Variants in PLCE1 observed in about 807,000 individuals in gnomAD.
The protein encoded by PLCE1 is 1-phosphatidylinositol 4,5-bisphosphate phosphodiesterase epsilon-1.
PLCE1 carries 119 observed loss-of-function variants against 242.8 expected under a neutral mutation model. The observed-to-expected ratio is 0.49, with a 90% CI of 0.42 to 0.57. PLCE1 has a LOEUF of 0.57. Among genes scored for constraint, PLCE1 ranks in the 20% least tolerant of loss-of-function variants. The pLI is 0.00. For missense variants in PLCE1, 2,441 were observed against 2,788.8 expected (o/e 0.88, Z 2.81); for synonymous variants, 945 against 1,017.4 (o/e 0.93, Z 1.35).
chr10:94,190,341 G>A (rs995802163), intron 4 of PLCE1, among the ~76,000 whole-genome samples: 2 of 152,126 alleles, frequency 1.3e-5, no homozygotes, highest in African/African-American at 4.8e-5. Context: ...GGGCACTGTG[G>A]CTCATGCCTG....
At chr10:94,249,009 A>G (rs1338403118) in intron 8 of PLCE1, among the ~76,000 whole-genome samples, 2 of 152,154 alleles carry the variant, frequency 1.3e-5, no homozygotes, top group African/African-American at 4.8e-5. Flanking sequence ...AGTGACTTAG[A>G]GAAGACTCAG....
At chr10:94,130,238 A>T (rs1461868719) in intron 2 of PLCE1, among the ~76,000 whole-genome samples, 1 of 152,208 alleles carries the variant, frequency 6.6e-6, no homozygotes, top group East Asian at 1.9e-4. Flanking sequence ...CAGTACACCC[A>T]AATAGGGTTA....
At chr10:94,182,670 T>C (rs1453549946) in intron 4 of PLCE1, among the ~76,000 whole-genome samples, 1 of 152,188 alleles carries the variant, frequency 6.6e-6, no homozygotes, top group African/African-American at 2.4e-5. Context: ...TACTACAAAA[T>C]GGAGGATGTG....
rs557139713 is a variant in PLCE1 at position 94,306,925 on chromosome 10, C to T, written c.5884+237C>T. 5.6e-4 allele frequency among the ~76,000 whole-genome samples: 86 copies of T among 152,330 alleles called. No individual in the cohort carries two copies. Among genetic ancestry groups the T allele is most frequent in the Non-Finnish European group, 1.1e-3 (74 of 68,026 alleles). On this transcript the variant is annotated intron_variant, in intron 26 of 32. Transcript: ENST00000371380. This position sits in a 1 kb window ranked among gnomAD's most constrained non-coding sequence, Gnocchi z 5.7. ...ATCCCTTGTAAAGTACAGCCTCACC[C>T]ATGCTTGCTGATGTCAGGAGCAGTG...
At chr10:94,064,058 A>C (rs1243735001) in intron 2 of PLCE1, among the ~76,000 whole-genome samples, 2 of 152,040 alleles carry the variant, frequency 1.3e-5, no homozygotes, top group Non-Finnish European at 2.9e-5. Flanking sequence ...GGGCTTCAGC[A>C]CTCATTTTGT....
At chr10:94,110,483 T>G (rs75224107) in intron 2 of PLCE1, among the ~76,000 whole-genome samples, 1,803 of 152,238 alleles carry the variant, frequency 0.012, 33 homozygotes, top group African/African-American at 0.042. Context: ...AAATTAATAG[T>G]AATAAGAGAA....
At chr10:94,219,135 T>C (rs1169587480) in intron 4 of PLCE1, among the ~76,000 whole-genome samples, 2 of 152,014 alleles carry the variant, frequency 1.3e-5, no homozygotes, top group Admixed American at 6.6e-5. Flanking sequence ...ACCATGTCTG[T>C]CTTGTTTACT....
At chr10:94,283,620 C>T in intron 20 of PLCE1, 170 bp from the exon 21 acceptor site, 1 of 643,678 alleles carries the variant, frequency 1.6e-6, no homozygotes. Flanking sequence ...TGCATCAACC[C>T]AATTTTTACA....
At chr10:94,177,362 A>T (rs2048158837) in intron 4 of PLCE1, among the ~76,000 whole-genome samples, 1 of 152,174 alleles carries the variant, frequency 6.6e-6, no homozygotes, top group Admixed American at 6.5e-5. Context: ...CACACTAGAG[A>T]AACTTCTTAA....
At chr10:94,043,664 G>C (rs371366502) in intron 2 of PLCE1, among the ~76,000 whole-genome samples, 7 of 152,280 alleles carry the variant, frequency 4.6e-5, no homozygotes, top group African/African-American at 1.7e-4. Context: ...CAAGGGGAAA[G>C]TTTATTTGAG....
At chr10:94,196,443 C>G (rs936284447) in intron 4 of PLCE1, among the ~76,000 whole-genome samples, 4 of 152,040 alleles carry the variant, frequency 2.6e-5, no homozygotes, top group African/African-American at 9.7e-5. Context: ...AGGGGAAGAG[C>G]CTTTTAAAGT....
chr10:94,198,316 G>A (rs1355040912), intron 4 of PLCE1, among the ~76,000 whole-genome samples: 2 of 152,204 alleles, frequency 1.3e-5, no homozygotes, highest in African/African-American at 4.8e-5. Context: ...GGACTGGAAG[G>A]TAGAAGATCT....
At chr10:94,118,707 CCTCTTT>C (rs2046213461) in intron 2 of PLCE1, among the ~76,000 whole-genome samples, 1 of 152,160 alleles carries the variant, frequency 6.6e-6, no homozygotes, top group African/African-American at 2.4e-5. Flanking sequence ...GTCCAATAAA[CCTCTTT>C]CTTTCGCAAA....
chr10:94,164,859 G>A (rs191812759), intron 3 of PLCE1, among the ~76,000 whole-genome samples: 2 of 152,282 alleles, frequency 1.3e-5, no homozygotes, highest in East Asian at 3.9e-4. Context: ...TAAGAGTCAG[G>A]ACCCTCAGCT....
chr10:94,223,652 G>T (rs557692823), intron 4 of PLCE1, among the ~76,000 whole-genome samples: 2 of 152,260 alleles, frequency 1.3e-5, no homozygotes, highest in East Asian at 1.9e-4. Context: ...GGTCCAGGGG[G>T]TTATGATGTC....
At chr10:94,195,830 A>T (rs1330232083) in intron 4 of PLCE1, among the ~76,000 whole-genome samples, 1 of 152,174 alleles carries the variant, frequency 6.6e-6, no homozygotes, top group East Asian at 1.9e-4. Context: ...TTTGAACAGG[A>T]TTATGAGTCT....
At chr10:94,107,017 A>G (rs1019520044) in intron 2 of PLCE1, 2 of 135,642 alleles carry the variant, frequency 1.5e-5, no homozygotes, top group South Asian at 5.1e-4. Flanking sequence ...ATATAAAACC[A>G]TAGTAGTTTC....
intron 3 of PLCE1, among the ~76,000 whole-genome samples, chr10:94,151,977 G>GGACC (rs2047289967): frequency 6.6e-6 from 1 of 151,986 alleles, no homozygotes; most frequent in Non-Finnish European, 1.5e-5. Flanking sequence ...GAATGGAACT[G>GGACC]GACCCCCTAC....
At chr10:94,184,325 C>CTTTATTTA (rs747524618) in intron 4 of PLCE1, among the ~76,000 whole-genome samples, 1 of 152,084 alleles carries the variant, frequency 6.6e-6, no homozygotes, top group Admixed American at 6.6e-5. Context: ...TCCAACTTAA[C>CTTTATTTA]TTTATTTATT....
Sources: gnomAD v4.1 joint callset for allele counts (sites outside exome capture counted in the v4.1 genomes callset) on GRCh38, gnomAD v4.1.1 for gene constraint, Gnocchi (gnomAD v3.1) non-coding constraint, MANE v1.5 for transcripts, NCBI Gene and HGNC (gene_info 2026-07-23, HGNC 2026-07-21) for gene names.